BICD1: variants seen among roughly 807,000 people sequenced by gnomAD.
BICD1 encodes the protein protein bicaudal D homolog 1.
In BICD1, 35 loss-of-function variants were observed where a neutral mutation model predicts 92.5. The observed-to-expected ratio is 0.38, with a 90% confidence interval of 0.29 to 0.50. BICD1 has a LOEUF of 0.50. BICD1 is among the 20% of genes least tolerant of loss of function. The pLI, the probability that BICD1 is intolerant of heterozygous loss-of-function variation, is 0.93. For missense variants in BICD1, 950 were observed against 1,189.8 expected (o/e 0.80, Z 2.97); for synonymous variants, 429 against 465.1 (o/e 0.92, Z 1.00).
At chr12:32,354,218 T>C (rs1275369762) in intron 8 of BICD1, 1 of 152,236 alleles carries the variant, frequency 6.6e-6, no homozygotes, top group Non-Finnish European at 1.5e-5. Flanking sequence ...TGAAAGGTTT[T>C]GTCAAATCTA....
intron 5 of BICD1, chr12:32,333,314 C>G: frequency 2.1e-6 from 2 of 950,858 alleles, no homozygotes; most frequent in Non-Finnish European, 2.5e-6. Context: ...ACAGAACATA[C>G]AGAAGTATTT....
At chr12:32,261,709 G>A (rs1049274139) in intron 2 of BICD1, among the ~76,000 whole-genome samples, 1 of 152,200 alleles carries the variant, frequency 6.6e-6, no homozygotes, top group African/African-American at 2.4e-5. Flanking sequence ...AGTGGTGTTG[G>A]CAGCAGGTGT....
At chr12:32,166,882 T>C (rs1485581284) in intron 1 of BICD1, among the ~76,000 whole-genome samples, 1 of 152,180 alleles carries the variant, frequency 6.6e-6, no homozygotes, top group Non-Finnish European at 1.5e-5. Context: ...GAAAATTGAA[T>C]AAGAAAACAT....
At chr12:32,163,459 G>T (rs1294478235) in intron 1 of BICD1, among the ~76,000 whole-genome samples, 1 of 151,914 alleles carries the variant, frequency 6.6e-6, no homozygotes, top group African/African-American at 2.4e-5. Flanking sequence ...CACTCTACAG[G>T]GCTGTTGGTA....
At chr12:32,370,393 T>G (rs1462868507) in intron 9 of BICD1, among the ~76,000 whole-genome samples, 1 of 152,034 alleles carries the variant, frequency 6.6e-6, no homozygotes, top group East Asian at 1.9e-4. Flanking sequence ...ATTATAGATT[T>G]ATCTCAATTA....
chr12:32,149,020 C>A (rs1434498746), intron 1 of BICD1, among the ~76,000 whole-genome samples: 65 of 147,080 alleles, frequency 4.4e-4, no homozygotes, highest in South Asian at 6.5e-4. Context: ...GCTCTGTCTC[C>A]AAAAAAAAAA....
intron 1 of BICD1, among the ~76,000 whole-genome samples, chr12:32,187,086 T>C (rs1565573769): frequency 6.6e-6 from 1 of 152,348 alleles, no homozygotes; most frequent in South Asian, 2.1e-4. Flanking sequence ...TCCAGGTCTT[T>C]TCTTTTTTCT....
intron 1 of BICD1, among the ~76,000 whole-genome samples, chr12:32,147,945 C>T (rs1943164048): frequency 6.7e-6 from 1 of 149,548 alleles, no homozygotes; most frequent in South Asian, 2.2e-4. Context: ...TTGAGGCCAG[C>T]CCTAGCAATA....
At position 32,313,987 on chromosome 12, in the gene BICD1, A is replaced by G. The variant is rs1948439969; in HGVS notation, c.1005+7865A>G. Among the ~76,000 whole-genome samples, 1 of 152,228 alleles carries G rather than the reference A, an allele frequency of 6.6e-6. No individual in the cohort carries two copies. Among genetic ancestry groups the G allele is most frequent in the Non-Finnish European group, 1.5e-5 (1 of 68,040 alleles). On this transcript the variant is annotated intron_variant, in intron 4 of 9. Transcript: ENST00000652176. This position sits in a 1 kb window ranked among gnomAD's most constrained non-coding sequence, Gnocchi z 4.2. ...TGAAAGAGCGTGACCCTATCAATAA[A>G]TAAATAAAATAAAAATAAATGGAAT...
At chr12:32,196,296 GAAA>G (rs1371637034) in intron 1 of BICD1, among the ~76,000 whole-genome samples, 2 of 152,158 alleles carry the variant, frequency 1.3e-5, no homozygotes, top group African/African-American at 4.8e-5. Flanking sequence ...CTTCTGGGAT[GAAA>G]TAAAATCTGT....
At chr12:32,218,506 G>T (rs1388354438) in intron 2 of BICD1, among the ~76,000 whole-genome samples, 3 of 152,150 alleles carry the variant, frequency 2.0e-5, no homozygotes, top group Non-Finnish European at 2.9e-5. Flanking sequence ...AGATTTTTTG[G>T]CCTGCCCAAA....
chr12:32,287,599 C>T (rs1191358756), intron 2 of BICD1, among the ~76,000 whole-genome samples: 3 of 149,474 alleles, frequency 2.0e-5, no homozygotes, highest in South Asian at 4.3e-4. Context: ...TGCAGTGGCA[C>T]GATCTTGGCT....
chr12:32,296,547 A>G (rs1002895222), intron 3 of BICD1, among the ~76,000 whole-genome samples: 1 of 152,046 alleles, frequency 6.6e-6, no homozygotes, highest in African/African-American at 2.4e-5. Context: ...GTGAGCCACC[A>G]CGCCTGACCT....
intron 2 of BICD1, among the ~76,000 whole-genome samples, chr12:32,244,646 T>C (rs2136089477): frequency 6.7e-6 from 1 of 149,174 alleles, no homozygotes; most frequent in South Asian, 2.1e-4. Context: ...TTTTTTTTTT[T>C]TGAGATGGAG....
intron 2 of BICD1, chr12:32,227,762 G>T: frequency 6.4e-6 from 1 of 156,190 alleles, no homozygotes. Flanking sequence ...CCTCCATTGG[G>T]GGCCTCGCCC....
chr12:32,140,706 C>T (rs573259354), intron 1 of BICD1, among the ~76,000 whole-genome samples: 8 of 152,086 alleles, frequency 5.3e-5, no homozygotes, highest in African/African-American at 1.7e-4. Context: ...TGTCTGTAGA[C>T]AAAAAGCAAA....
At chr12:32,164,027 T>C (rs1943678070) in intron 1 of BICD1, among the ~76,000 whole-genome samples, 1 of 152,198 alleles carries the variant, frequency 6.6e-6, no homozygotes, top group South Asian at 2.1e-4. Context: ...CAGGCTGGAG[T>C]GCAGCAGCAC....
chr12:32,211,912 C>T (rs1022714954), intron 1 of BICD1, among the ~76,000 whole-genome samples: 1 of 152,178 alleles, frequency 6.6e-6, no homozygotes, highest in South Asian at 2.1e-4. Context: ...GAATTGACCT[C>T]ACAGAATCTG....
At chr12:32,243,892 G>C (rs1390787006) in intron 2 of BICD1, among the ~76,000 whole-genome samples, 1 of 152,182 alleles carries the variant, frequency 6.6e-6, no homozygotes, top group Non-Finnish European at 1.5e-5. Context: ...GGAACAGCAA[G>C]AGAGTTTAAA....
Sources: allele counts gnomAD v4.1 joint callset (sites outside exome capture counted in the v4.1 genomes callset), GRCh38; gene constraint gnomAD v4.1.1; non-coding constraint Gnocchi (gnomAD v3.1); transcripts MANE v1.5; gene names NCBI Gene and HGNC (gene_info 2026-07-23, HGNC 2026-07-21).